Variants in CADM2 observed in about 807,000 individuals in gnomAD.
CADM2 encodes cell adhesion molecule 2.
In CADM2, 12 loss-of-function variants were observed where a neutral mutation model predicts 49.8. The observed-to-expected ratio is 0.24, with a 90% CI of 0.15 to 0.39. The LOEUF (loss-of-function observed/expected upper bound fraction) is 0.39. Ranked by LOEUF, CADM2 falls within the 10% of genes least tolerant of loss-of-function variation. CADM2 has a pLI of 1.00. For synonymous variants in CADM2, 214 were observed against 175.4 expected (o/e 1.22, Z -1.74); for missense variants, 378 against 492.3 (o/e 0.77, Z 2.20).
chr3:85,794,408 G>A (rs569586713), intron 2 of CADM2, among the ~76,000 whole-genome samples: 1 of 152,242 alleles, frequency 6.6e-6, no homozygotes, highest in East Asian at 1.9e-4. Flanking sequence ...CAGTGTAGCT[G>A]ATTAAAAGAT....
chr3:85,109,807 T>C (rs2038383704), intron 1 of CADM2, among the ~76,000 whole-genome samples: 1 of 152,030 alleles, frequency 6.6e-6, no homozygotes, highest in East Asian at 1.9e-4. Flanking sequence ...GTTCACCATG[T>C]ATAATCAACT....
At chr3:85,315,380 G>A (rs961605097) in intron 1 of CADM2, among the ~76,000 whole-genome samples, 2 of 151,912 alleles carry the variant, frequency 1.3e-5, no homozygotes, top group African/African-American at 4.8e-5. Flanking sequence ...TAAGTATCGG[G>A]GGTTAAAAGT....
chr3:85,047,779 C>T (rs993465957), intron 1 of CADM2, among the ~76,000 whole-genome samples: 3 of 152,064 alleles, frequency 2.0e-5, no homozygotes, highest in African/African-American at 4.8e-5. Context: ...ATATCTCAGC[C>T]GTGACCACTT....
intron 8 of CADM2, chr3:86,013,995 G>A (rs763300933): frequency 3.0e-5 from 43 of 1,449,394 alleles, no homozygotes; most frequent in Non-Finnish European, 3.9e-5. Flanking sequence ...AACAATTGAA[G>A]AAGTTTGTTC....
rs537674065 is a variant in CADM2 at position 86,060,706 on chromosome 3, G to A, written c.971-4899G>A. 1.1e-4 allele frequency among the ~76,000 whole-genome samples: 17 copies of A among 152,086 alleles called. No individual in the cohort carries two copies. In the South Asian group the frequency reaches 2.9e-3, roughly 26 times the overall value. ...ATTTAATTAAAAAATAATAATGGCC[G>A]GATGCGGTGACTCACGCCTGTAATC... On this transcript the variant is annotated intron_variant, in intron 8 of 9. Coordinates refer to ENST00000383699, the MANE Select transcript of CADM2 (RefSeq NM_001167675.2).
intron 1 of CADM2, among the ~76,000 whole-genome samples, chr3:85,571,292 T>C (rs1339343940): frequency 5.3e-5 from 8 of 152,226 alleles, no homozygotes; most frequent in Non-Finnish European, 1.0e-4. Context: ...GATATTCTCA[T>C]ATGAGTCCTT....
chr3:85,673,055 C>G (rs1015366139), intron 1 of CADM2, among the ~76,000 whole-genome samples: 3 of 152,130 alleles, frequency 2.0e-5, no homozygotes, highest in African/African-American at 7.2e-5. Context: ...TGGGACTAAA[C>G]TAGTAGCCTT....
intron 1 of CADM2, among the ~76,000 whole-genome samples, chr3:85,642,972 T>C (rs2064766917): frequency 6.6e-6 from 1 of 152,178 alleles, no homozygotes; most frequent in Non-Finnish European, 1.5e-5. Context: ...TAAATGACTG[T>C]GACATTATTT....
At chr3:85,129,005 A>T (rs1317138141) in intron 1 of CADM2, among the ~76,000 whole-genome samples, 2 of 152,290 alleles carry the variant, frequency 1.3e-5, no homozygotes, top group Non-Finnish European at 2.9e-5. Context: ...AAGTAAATCT[A>T]GTCCAAATCA....
chr3:84,993,757 T>G (rs1450745445), intron 1 of CADM2, among the ~76,000 whole-genome samples: 1 of 152,210 alleles, frequency 6.6e-6, no homozygotes, highest in Non-Finnish European at 1.5e-5. Context: ...TCAGTAGCCT[T>G]AGGGTGCAGA....
At chr3:85,881,387 G>A (rs931742569) in intron 3 of CADM2, among the ~76,000 whole-genome samples, 1 of 151,902 alleles carries the variant, frequency 6.6e-6, no homozygotes, top group African/African-American at 2.4e-5. Flanking sequence ...TCTCAGTATA[G>A]GCATCTTTTA....
chr3:86,040,186 C>T (rs1735690727), intron 8 of CADM2, among the ~76,000 whole-genome samples: 1 of 152,126 alleles, frequency 6.6e-6, no homozygotes, highest in Non-Finnish European at 1.5e-5. Flanking sequence ...CTCTCCTCCT[C>T]CAAAGGAACA....
At chr3:84,991,190 C>G (rs2032864758) in intron 1 of CADM2, among the ~76,000 whole-genome samples, 1 of 152,026 alleles carries the variant, frequency 6.6e-6, no homozygotes, top group Non-Finnish European at 1.5e-5. Flanking sequence ...GATACAGATC[C>G]TTTAGGAGTT....
intron 1 of CADM2, among the ~76,000 whole-genome samples, chr3:85,480,077 G>T (rs747245966): frequency 6.6e-6 from 1 of 151,666 alleles, no homozygotes; most frequent in Non-Finnish European, 1.5e-5. Flanking sequence ...TTGAGCTAAA[G>T]GTAGTTTTAC....
chr3:85,207,566 A>G lies in CADM2; in HGVS notation c.61+247898A>G, dbSNP rs539601790. On this transcript the variant is annotated intron_variant, in intron 1 of 9. Transcript: ENST00000383699. The stretch of plus-strand genomic sequence containing the variant: ...TATCAGCAGCCATCAATTTTACTGA[A>G]TTTGAAATTATAAAGTATTCTAAAA... Among the ~76,000 whole-genome samples the G allele has an allele frequency of 2.0e-4, 31 of 152,284 alleles. No homozygotes were observed. The South Asian group carries it at 6.0e-3, about 29-fold the overall frequency.
chr3:85,782,078 C>T (rs935468902), intron 2 of CADM2, among the ~76,000 whole-genome samples: 1 of 152,168 alleles, frequency 6.6e-6, no homozygotes, highest in African/African-American at 2.4e-5. Context: ...CTTAGTGTAG[C>T]TTTTGGAGTT....
chr3:85,054,235 G>C (rs767902329), intron 1 of CADM2, among the ~76,000 whole-genome samples: 1 of 151,884 alleles, frequency 6.6e-6, no homozygotes, highest in Non-Finnish European at 1.5e-5. Flanking sequence ...GGGATGAGAG[G>C]AGATGGTATT....
chr3:85,238,299 C>G (rs1329642808), intron 1 of CADM2, among the ~76,000 whole-genome samples: 1 of 151,916 alleles, frequency 6.6e-6, no homozygotes, highest in Non-Finnish European at 1.5e-5. Flanking sequence ...ACATATTAAA[C>G]TAATAATTTC....
intron 1 of CADM2, among the ~76,000 whole-genome samples, chr3:85,034,790 C>CTTTTTTT (rs1179967499): frequency 7.9e-4 from 66 of 84,018 alleles, no homozygotes; most frequent in East Asian, 1.1e-3. Context: ...AGACATTTTG[C>CTTTTTTT]TTTTTTTTTT....
Sources: allele counts gnomAD v4.1 joint callset (sites outside exome capture counted in the v4.1 genomes callset), GRCh38; gene constraint gnomAD v4.1.1; transcripts MANE v1.5; gene names NCBI Gene and HGNC (gene_info 2026-07-23, HGNC 2026-07-21).